NEGR1: variants seen among roughly 807,000 people sequenced by gnomAD.
NEGR1 encodes IgLON family member 4.
NEGR1 carries 10 observed loss-of-function variants against 40.9 expected under a neutral mutation model. The observed-to-expected ratio is 0.24, with a 90% confidence interval of 0.15 to 0.42. The LOEUF (loss-of-function observed/expected upper bound fraction) is 0.42. NEGR1 is among the 10% of genes least tolerant of loss of function. The pLI is 1.00. For missense variants in NEGR1, 352 were observed against 438.9 expected (o/e 0.80, Z 1.77); for synonymous variants, 185 against 166.8 (o/e 1.11, Z -0.84).
At chr1:72,183,451 A>G (rs1440269809) in intron 1 of NEGR1, among the ~76,000 whole-genome samples, 1 of 152,106 alleles carries the variant, frequency 6.6e-6, no homozygotes, top group Non-Finnish European at 1.5e-5. Context: ...CCTTCCACAG[A>G]CATCAGATGA....
intron 2 of NEGR1, among the ~76,000 whole-genome samples, chr1:71,844,820 C>T (rs753019776): frequency 6.6e-6 from 1 of 152,112 alleles, no homozygotes; most frequent in Non-Finnish European, 1.5e-5. Context: ...TGGTGACTGG[C>T]CTTGGCCCAA....
At chr1:71,733,019 C>T in intron 3 of NEGR1, among the ~76,000 whole-genome samples, 1 of 151,518 alleles carries the variant, frequency 6.6e-6, no homozygotes, top group East Asian at 1.9e-4. Context: ...TCGTGAGTCT[C>T]CAAGACAGGT....
chr1:71,711,336 T>C (rs1570245130), intron 3 of NEGR1, among the ~76,000 whole-genome samples: 1 of 62,182 alleles, frequency 1.6e-5, no homozygotes, highest in Non-Finnish European at 2.9e-5. Flanking sequence ...AGAGCGAGAT[T>C]CCACCAAAAA....
chr1:71,827,652 T>C (rs1384256405), intron 2 of NEGR1, among the ~76,000 whole-genome samples: 1 of 151,934 alleles, frequency 6.6e-6, no homozygotes, highest in Non-Finnish European at 1.5e-5. Context: ...AAAATTGCTT[T>C]CTAAAACATT....
At chr1:71,836,378 G>A (rs934155884) in intron 2 of NEGR1, among the ~76,000 whole-genome samples, 5 of 150,912 alleles carry the variant, frequency 3.3e-5, no homozygotes, top group African/African-American at 4.9e-5. Context: ...GAAGTAAGCC[G>A]AGATCGCATC....
intron 1 of NEGR1, among the ~76,000 whole-genome samples, chr1:72,243,438 A>ACG (rs1654810978): frequency 6.6e-6 from 1 of 151,794 alleles, no homozygotes; most frequent in East Asian, 1.9e-4. Flanking sequence ...CCCCTGTGAC[A>ACG]CGCAATTTAC....
chr1:71,946,897 A>T (rs1056053212), intron 1 of NEGR1, among the ~76,000 whole-genome samples: 3 of 151,724 alleles, frequency 2.0e-5, no homozygotes, highest in African/African-American at 7.3e-5. Context: ...GGGCAACATA[A>T]CAAAACCCCA....
chr1:71,659,599 C>T (rs933801346), intron 4 of NEGR1, among the ~76,000 whole-genome samples: 2 of 152,058 alleles, frequency 1.3e-5, no homozygotes, highest in Admixed American at 6.6e-5. Context: ...GGTCTACAAT[C>T]GAGCATCTAT....
At chr1:71,684,225 C>T (rs938240493) in intron 4 of NEGR1, among the ~76,000 whole-genome samples, 2 of 151,962 alleles carry the variant, frequency 1.3e-5, no homozygotes, top group Non-Finnish European at 2.9e-5. Flanking sequence ...GAGCCCAGAT[C>T]GCGCCACTGC....
intron 2 of NEGR1, among the ~76,000 whole-genome samples, chr1:71,817,352 G>A (rs1658261304): frequency 6.6e-6 from 1 of 152,012 alleles, no homozygotes; most frequent in Admixed American, 6.6e-5. Flanking sequence ...GGCTAATTCT[G>A]GTGGCCATTT....
intron 1 of NEGR1, among the ~76,000 whole-genome samples, chr1:72,032,969 A>G (rs1646872257): frequency 6.6e-6 from 1 of 152,142 alleles, no homozygotes; most frequent in Admixed American, 6.5e-5. Flanking sequence ...TAATTGCCAT[A>G]TAAGTGTTAG....
intron 4 of NEGR1, among the ~76,000 whole-genome samples, chr1:71,635,588 G>C (rs891266391): frequency 5.9e-5 from 9 of 152,128 alleles, no homozygotes; most frequent in African/African-American, 2.2e-4. Flanking sequence ...TCTTGGGTTT[G>C]TGGCTAGCAC....
At position 72,268,860 on chromosome 1, in the gene NEGR1, C is replaced by T. The variant is rs190657434; in HGVS notation, c.176+13459G>A. ...TATAAAATGGAAGGGTTTAAGAACG[C>T]GAAGAAGGAGCTAGAAATGGGTTAT... On this transcript the variant is annotated intron_variant, in intron 1 of 6. Transcript: ENST00000357731. Among the ~76,000 whole-genome samples the T allele has an allele frequency of 3.3e-5, 5 of 151,032 alleles. No individual in the cohort carries two copies. In the East Asian group the frequency reaches 7.8e-4, roughly 24 times the overall value.
At chr1:71,555,630 A>AT (rs1276097058) in intron 6 of NEGR1, among the ~76,000 whole-genome samples, 4 of 151,566 alleles carry the variant, frequency 2.6e-5, no homozygotes, top group Non-Finnish European at 5.9e-5. Context: ...AAAGTGTGAC[A>AT]TTTTTTCAAA....
chr1:72,124,788 G>A (rs977524975), intron 1 of NEGR1, among the ~76,000 whole-genome samples: 1 of 152,002 alleles, frequency 6.6e-6, no homozygotes, highest in Non-Finnish European at 1.5e-5. Flanking sequence ...AACTGAGGAT[G>A]ACTGTCAAAT....
At chr1:71,944,274 T>A (rs1645998156) in intron 1 of NEGR1, among the ~76,000 whole-genome samples, 1 of 152,142 alleles carries the variant, frequency 6.6e-6, no homozygotes, top group South Asian at 2.1e-4. Context: ...ACATTCAAAA[T>A]GCATGCAGGA....
At chr1:72,164,919 C>T (rs1651714144) in intron 1 of NEGR1, among the ~76,000 whole-genome samples, 1 of 152,054 alleles carries the variant, frequency 6.6e-6, no homozygotes, top group Non-Finnish European at 1.5e-5. Flanking sequence ...ACTTCCAAAT[C>T]AAATGTTTGC....
At chr1:71,672,774 T>G (rs572078918) in intron 4 of NEGR1, among the ~76,000 whole-genome samples, 1 of 152,008 alleles carries the variant, frequency 6.6e-6, no homozygotes, top group African/African-American at 2.4e-5. Flanking sequence ...ATCAGAAAAA[T>G]ATAGTTGGTG....
At chr1:71,911,438 C>A (rs1209587012) in intron 2 of NEGR1, among the ~76,000 whole-genome samples, 3 of 152,074 alleles carry the variant, frequency 2.0e-5, no homozygotes, top group African/African-American at 7.2e-5. Context: ...ATTTTATTTT[C>A]TCTAAAATAG....
Sources: allele counts gnomAD v4.1 joint callset (sites outside exome capture counted in the v4.1 genomes callset), GRCh38; gene constraint gnomAD v4.1.1; transcripts MANE v1.5; gene names NCBI Gene and HGNC (gene_info 2026-07-23, HGNC 2026-07-21).